The following LRIF1 variants were observed in gnomAD, a reference collection of about 807,000 sequenced individuals.
LRIF1 encodes ligand dependent nuclear receptor interacting factor 1.
A neutral mutation model predicts 52.7 loss-of-function variants in LRIF1; 32 were observed. The ratio of observed to expected loss-of-function variants is 0.61; its 90% CI spans 0.46 to 0.82. The LOEUF is 0.82. Among genes scored for constraint, LRIF1 ranks in the 40% least tolerant of loss-of-function variants. The probability of loss-of-function intolerance (pLI) is 0.00; values close to 1 mark genes in which losing one functional copy is unlikely to be tolerated. For synonymous variants in LRIF1, 323 were observed against 317.4 expected (o/e 1.02, Z -0.19); for missense variants, 887 against 892.0 (o/e 0.99, Z 0.07).
chr1:110,941,980 A>G, the LRIF1 span: 1 of 151,722 alleles, frequency 6.6e-6, no homozygotes, highest in Non-Finnish European at 1.5e-5. Context: ...TGCTATGGAT[A>G]CTCTTTTGTG....
At chr1:110,887,748 C>T in the LRIF1 span, among the ~76,000 whole-genome samples, 1 of 152,160 alleles carries the variant, frequency 6.6e-6, no homozygotes, top group African/African-American at 2.4e-5. Flanking sequence ...GTCACTGGTG[C>T]TGTGTGAATG....
the LRIF1 span, chr1:110,894,275 G>T: frequency 6.6e-7 from 1 of 1,515,254 alleles, no homozygotes; most frequent in Non-Finnish European, 9.2e-7. Flanking sequence ...CTGAGTGGGA[G>T]TGGGACGAGA....
At chr1:110,899,109 C>A in the LRIF1 span, 1 of 1,610,576 alleles carries the variant, frequency 6.2e-7, no homozygotes, top group Non-Finnish European at 8.5e-7. Context: ...CAAATTTTCC[C>A]AACTCTTTTC....
chr1:110,933,763 A>G, the LRIF1 span, among the ~76,000 whole-genome samples: 1 of 152,292 alleles, frequency 6.6e-6, no homozygotes, highest in South Asian at 2.1e-4. Flanking sequence ...AGTCCAGGCT[A>G]TAAGGACTAC....
the LRIF1 span, among the ~76,000 whole-genome samples, chr1:110,921,936 G>A: frequency 6.6e-6 from 1 of 152,154 alleles, no homozygotes; most frequent in African/African-American, 2.4e-5. Flanking sequence ...GTTAAGCCCA[G>A]TACTCAATAT....
the LRIF1 span, chr1:110,939,987 G>A: frequency 6.6e-6 from 1 of 152,108 alleles, no homozygotes; most frequent in Non-Finnish European, 1.5e-5. Flanking sequence ...GGACAAATGG[G>A]ATCACATCAA....
the LRIF1 span, chr1:110,897,668 A>G: frequency 2.4e-5 from 12 of 496,170 alleles, no homozygotes; most frequent in Non-Finnish European, 4.0e-5. Flanking sequence ...TTCTTCATTC[A>G]CGCAAAGAAA....
chr1:110,877,518 C>T, the LRIF1 span, among the ~76,000 whole-genome samples: 3 of 152,042 alleles, frequency 2.0e-5, no homozygotes, highest in African/African-American at 7.2e-5. Context: ...TAGAAGAGTC[C>T]CTGTCCCACC....
chr1:110,885,317 G>A, the LRIF1 span, among the ~76,000 whole-genome samples: 2 of 152,338 alleles, frequency 1.3e-5, no homozygotes, highest in South Asian at 2.1e-4. Context: ...TTGGGAGGCC[G>A]AGGCGGGCGG....
Position 110,951,930 on chromosome 1 carries a change from T to A in LRIF1, c.954A>T (p.Leu318Phe). ...AATTTTTCCTATCTACAAAAGTTTTTAAAATCTTTGAAGCCACATTATTTG... is the reference window on the plus strand; with the variant it reads ...AATTTTTCCTATCTACAAAAGTTTTAAAAATCTTTGAAGCCACATTATTTG... ...KSSNNVASKI[L>F]KTFVDRKNLG... The change falls in exon 2 of 4, where the codon TTA becomes TTT. Residue 318 changes from leucine (L) to phenylalanine (F), a missense_variant. Physicochemically the swap from Leu to Phe is conservative, Grantham distance 22. Transcript: ENST00000369763. 2 of 1,614,014 alleles carry A rather than the reference T, an allele frequency of 1.2e-6. No individual in the cohort carries two copies. Among genetic ancestry groups the A allele is most frequent in the Non-Finnish European group, 1.7e-6 (2 of 1,179,986 alleles).
chr1:110,914,063 A>G, the LRIF1 span, among the ~76,000 whole-genome samples: 1 of 152,172 alleles, frequency 6.6e-6, no homozygotes, highest in African/African-American at 2.4e-5. Flanking sequence ...AGAAAACAAA[A>G]TATTGCATGT....
chr1:110,934,624 G>A, the LRIF1 span, among the ~76,000 whole-genome samples: 1 of 152,208 alleles, frequency 6.6e-6, no homozygotes, highest in East Asian at 1.9e-4. Flanking sequence ...AAAGGGGAAG[G>A]AAGAGTGGGA....
chr1:110,888,455 A>G, the LRIF1 span, among the ~76,000 whole-genome samples: 1 of 152,140 alleles, frequency 6.6e-6, no homozygotes. Context: ...GGCTCACACC[A>G]TTTATTTCCC....
At chr1:110,955,187 T>C (rs908316543) in intron 1 of LRIF1, among the ~76,000 whole-genome samples, 15 of 152,336 alleles carry the variant, frequency 9.8e-5, no homozygotes, top group South Asian at 2.1e-4. Context: ...TAGCATCTCA[T>C]CTACCTTAGG....
the LRIF1 span, among the ~76,000 whole-genome samples, chr1:110,890,294 C>A: frequency 6.6e-6 from 1 of 152,094 alleles, no homozygotes; most frequent in South Asian, 2.1e-4. Context: ...TGGCCAGGTG[C>A]GGTAGCTCAT....
chr1:110,936,176 G>C, the LRIF1 span, among the ~76,000 whole-genome samples: 1 of 152,086 alleles, frequency 6.6e-6, no homozygotes, highest in South Asian at 2.1e-4. Context: ...TCAACACCAG[G>C]TCTATTCTAC....
chr1:110,895,847 C>T, the LRIF1 span, among the ~76,000 whole-genome samples: 31,286 of 152,006 alleles, frequency 0.21, 3,448 homozygotes, highest in Non-Finnish European at 0.24. Flanking sequence ...ACACTTTTTT[C>T]GTTAGAATAT....
chr1:110,896,295 G>A, the LRIF1 span, among the ~76,000 whole-genome samples: 15 of 152,144 alleles, frequency 9.9e-5, no homozygotes, highest in African/African-American at 3.6e-4. Context: ...CTGTTGCATC[G>A]TGTAAGCAGG....
At chr1:110,933,603 A>T in the LRIF1 span, among the ~76,000 whole-genome samples, 1 of 152,140 alleles carries the variant, frequency 6.6e-6, no homozygotes, top group Admixed American at 6.5e-5. Context: ...GGAGAAAACG[A>T]AACTCACCTG....
Sources: gnomAD v4.1 joint callset for allele counts (sites outside exome capture counted in the v4.1 genomes callset) on GRCh38, gnomAD v4.1.1 for gene constraint, MANE v1.5 for transcripts, NCBI Gene and HGNC (gene_info 2026-07-23, HGNC 2026-07-21) for gene names.